Variants in NALCN observed in about 807,000 individuals in gnomAD.
The protein encoded by NALCN is sodium leak channel, non-selective, also known as sodium leak channel NALCN.
In NALCN, 111 loss-of-function variants were observed where a neutral mutation model predicts 225.3. The observed-to-expected ratio is 0.49, with a 90% CI of 0.42 to 0.58. The LOEUF is 0.58. NALCN is among the 20% of genes least tolerant of loss of function. The pLI is 0.00. For missense variants in NALCN, 1,378 were observed against 2,202.4 expected (o/e 0.63, Z 7.49); for synonymous variants, 764 against 769.0 (o/e 0.99, Z 0.11).
chr13:101,206,398 T>C (rs1250758699), intron 13 of NALCN, among the ~76,000 whole-genome samples: 1 of 152,006 alleles, frequency 6.6e-6, no homozygotes. Flanking sequence ...AAAAATAAAC[T>C]TGATAGCTGT....
intron 1 of NALCN, among the ~76,000 whole-genome samples, chr13:101,402,723 C>G (rs10508066): frequency 2.0e-5 from 3 of 152,050 alleles, no homozygotes; most frequent in African/African-American, 7.3e-5. Context: ...AGAGAGGTAT[C>G]GGTGCTGCTT....
chr13:101,145,869 G>C (rs1221996003), intron 15 of NALCN, among the ~76,000 whole-genome samples: 1 of 152,074 alleles, frequency 6.6e-6, no homozygotes, highest in Non-Finnish European at 1.5e-5. Context: ...GGAGGGATTT[G>C]GGGGGTGGGT....
At chr13:101,360,185 TCTTCC>T (rs2046202595) in intron 6 of NALCN, among the ~76,000 whole-genome samples, 4 of 101,470 alleles carry the variant, frequency 3.9e-5, no homozygotes, top group East Asian at 3.0e-4. Context: ...TCTCTTCCTC[TCTTCC>T]TCTCTCTCTC....
At chr13:101,111,771 C>CT (rs1172105225) in intron 18 of NALCN, among the ~76,000 whole-genome samples, 2 of 152,152 alleles carry the variant, frequency 1.3e-5, no homozygotes, top group African/African-American at 2.4e-5. Flanking sequence ...TAAGACGTGC[C>CT]TTTCACCGTC....
intron 7 of NALCN, among the ~76,000 whole-genome samples, chr13:101,337,273 CTTTATTA>C (rs2045406740): frequency 6.9e-6 from 1 of 144,814 alleles, no homozygotes; most frequent in African/African-American, 2.6e-5. Context: ...CACATTTACT[CTTTATTA>C]TTTATTTATT....
In NALCN at chr13:101,160,154, C is replaced by T. The variant is rs1214276630; in HGVS notation, c.1840-15258G>A. On this transcript the variant is annotated intron_variant, in intron 15 of 43. Coordinates refer to ENST00000251127, the MANE Select transcript of NALCN (RefSeq NM_052867.4). ...TATTTTTAGTAGAGACAGGGTTTCA[C>T]CATGTTAGCCAGGATGGTCTCGATC... 2.6e-5 allele frequency among the ~76,000 whole-genome samples: 4 copies of T among 152,182 alleles called. No individual in the cohort carries two copies. The East Asian group carries it at 7.7e-4, about 29-fold the overall frequency.
chr13:101,296,396 T>C (rs970711043), intron 7 of NALCN, among the ~76,000 whole-genome samples: 2 of 152,228 alleles, frequency 1.3e-5, no homozygotes, highest in African/African-American at 4.8e-5. Context: ...TTGTAGTGAA[T>C]TGACTTTGCT....
rs116127054 is a variant in NALCN, at chr13:101,081,843, C to T, written c.3766-197G>A. 0.014 allele frequency among the ~76,000 whole-genome samples: 2,160 copies of T among 152,072 alleles called. 54 individuals carry two copies. Among genetic ancestry groups the T allele is most frequent in the African/African-American group, 0.05 (2,062 of 41,502 alleles). ...CCCTTTGAGGTTTCCTTTTAGGCCA[C>T]GTGCCTACACTATCTATCTGTCTGT... On this transcript the variant is annotated intron_variant, in intron 33 of 43. Transcript: ENST00000251127.
chr13:101,159,399 T>C (rs562858338), intron 15 of NALCN, among the ~76,000 whole-genome samples: 53 of 152,312 alleles, frequency 3.5e-4, no homozygotes, highest in Non-Finnish European at 6.3e-4. Flanking sequence ...CTCTTCATCA[T>C]GGCTTGCAGT....
At chr13:101,369,214 G>T (rs951675519) in intron 6 of NALCN, among the ~76,000 whole-genome samples, 17 of 137,414 alleles carry the variant, frequency 1.2e-4, no homozygotes, top group African/African-American at 4.4e-4. Flanking sequence ...TACTAGGCAG[G>T]TTTTACACAT....
intron 43 of NALCN, among the ~76,000 whole-genome samples, chr13:101,056,328 T>C (rs984017680): frequency 6.9e-6 from 1 of 144,108 alleles, no homozygotes; most frequent in Non-Finnish European, 1.5e-5. Flanking sequence ...CGGCACAATC[T>C]TGGTTCACCA....
intron 15 of NALCN, among the ~76,000 whole-genome samples, chr13:101,156,359 G>A (rs1369663402): frequency 6.6e-6 from 1 of 152,062 alleles, no homozygotes; most frequent in African/African-American, 2.4e-5. Flanking sequence ...CCAGCACTAG[G>A]TTTCTCATTG....
chr13:101,116,345 G>A (rs2035708294), intron 18 of NALCN: 1 of 249,854 alleles, frequency 4.0e-6, no homozygotes. Flanking sequence ...ATCTTTTATG[G>A]ACGTTGGGGA....
chr13:101,343,748 G>C (rs2045630040), intron 7 of NALCN, among the ~76,000 whole-genome samples: 1 of 152,194 alleles, frequency 6.6e-6, no homozygotes, highest in African/African-American at 2.4e-5. Context: ...CACAGTACAA[G>C]GAGACTTTTT....
chr13:101,275,314 G>A (rs2042935089), intron 10 of NALCN, among the ~76,000 whole-genome samples: 1 of 152,166 alleles, frequency 6.6e-6, no homozygotes. Context: ...AGAAAACAGA[G>A]GCAGGCTCAC....
chr13:101,080,346 A>C (rs1012570252), intron 34 of NALCN, among the ~76,000 whole-genome samples: 1 of 152,092 alleles, frequency 6.6e-6, no homozygotes, highest in Non-Finnish European at 1.5e-5. Flanking sequence ...TGTAAGATAC[A>C]TACTCAGCCA....
At chr13:101,395,079 A>C (rs532173648) in intron 3 of NALCN, 104 bp downstream of exon 3, 41 of 1,161,100 alleles carry the variant, frequency 3.5e-5, no homozygotes, top group Non-Finnish European at 4.4e-5. Flanking sequence ...GTATAAGATA[A>C]AATGATGTTT....
At chr13:101,414,993 G>A (rs928777780) in intron 1 of NALCN, among the ~76,000 whole-genome samples, 3 of 147,564 alleles carry the variant, frequency 2.0e-5, no homozygotes, top group Non-Finnish European at 4.4e-5. Context: ...AGAAAAGCAC[G>A]CAGAATGACA....
Position 101,375,965 on chromosome 13 carries a change from G to A in NALCN, c.644+735C>T, listed in dbSNP as rs2046677648. On this transcript the variant is annotated intron_variant, in intron 6 of 43. Coordinates refer to ENST00000251127, the MANE Select transcript of NALCN (RefSeq NM_052867.4). The stretch of plus-strand genomic sequence containing the variant: ...TTGTATATTAACAATGATCAGCCAA[G>A]TAGAAGAGGCAGGTGCTCTATTGCA... Among the ~76,000 whole-genome samples the A allele has an allele frequency of 2.0e-5, 3 of 152,028 alleles. No individual in the cohort carries two copies. In the South Asian group the frequency reaches 6.2e-4, roughly 32 times the overall value.
Sources: allele counts gnomAD v4.1 joint callset (sites outside exome capture counted in the v4.1 genomes callset), GRCh38; gene constraint gnomAD v4.1.1; transcripts MANE v1.5; gene names NCBI Gene and HGNC (gene_info 2026-07-23, HGNC 2026-07-21).